The following GRIK3 variants were observed in gnomAD, a reference collection of about 807,000 sequenced individuals.
The protein encoded by GRIK3 is glutamate receptor ionotropic, kainate 3.
GRIK3 carries 29 observed loss-of-function variants against 102.5 expected under a neutral mutation model. That is an observed-to-expected ratio of 0.28 (90% CI 0.21 to 0.39). The LOEUF (loss-of-function observed/expected upper bound fraction) is 0.39. GRIK3 is among the 10% of genes least tolerant of loss of function. The probability of loss-of-function intolerance (pLI) is 1.00; values close to 1 mark genes in which losing one functional copy is unlikely to be tolerated. For missense variants in GRIK3, 908 were observed against 1,252.4 expected (o/e 0.73, Z 4.15); for synonymous variants, 511 against 504.9 (o/e 1.01, Z -0.16).
chr1:36,974,731 C>T (rs770247203), intron 1 of GRIK3, among the ~76,000 whole-genome samples: 20 of 147,494 alleles, frequency 1.4e-4, no homozygotes, highest in Admixed American at 2.1e-4. Context: ...ACCCAGGAGG[C>T]GGAGCTTGCA....
chr1:36,983,383 G>A (rs748444393), intron 1 of GRIK3, among the ~76,000 whole-genome samples: 3 of 152,064 alleles, frequency 2.0e-5, no homozygotes, highest in Non-Finnish European at 4.4e-5. Context: ...CGGCACAACG[G>A]CACACTCCCA....
intron 2 of GRIK3, among the ~76,000 whole-genome samples, chr1:36,889,664 A>G (rs1641080355): frequency 6.6e-6 from 1 of 152,162 alleles, no homozygotes; most frequent in African/African-American, 2.4e-5. Flanking sequence ...GGGCAGGACT[A>G]TAATTTCCTG....
chr1:36,900,057 T>C (rs1177830870), intron 1 of GRIK3, among the ~76,000 whole-genome samples: 2 of 152,208 alleles, frequency 1.3e-5, no homozygotes, highest in African/African-American at 2.4e-5. Flanking sequence ...AGACGTAATG[T>C]ACATCTATAG....
chr1:36,938,652 C>T (rs970485887), intron 1 of GRIK3, among the ~76,000 whole-genome samples: 28 of 152,086 alleles, frequency 1.8e-4, no homozygotes, highest in African/African-American at 6.5e-4. Flanking sequence ...TTTGTGTCAC[C>T]CCCCAGCCCC....
At chr1:36,859,347 A>T (rs899901457) in intron 6 of GRIK3, 96 bp from the exon 7 acceptor site, 7 of 1,341,460 alleles carry the variant, frequency 5.2e-6, no homozygotes, top group African/African-American at 2.9e-5. Flanking sequence ...CCACAGGTAC[A>T]TGATGTCCTG....
intron 1 of GRIK3, among the ~76,000 whole-genome samples, chr1:37,024,536 G>A (rs1642747801): frequency 1.3e-5 from 2 of 151,018 alleles, no homozygotes; most frequent in South Asian, 4.2e-4. Context: ...CACAAGGTCA[G>A]GAGTTCGACC....
intron 1 of GRIK3, among the ~76,000 whole-genome samples, chr1:37,010,557 T>C (rs1376289163): frequency 1.3e-5 from 2 of 152,006 alleles, no homozygotes; most frequent in Non-Finnish European, 2.9e-5. Context: ...GTGCTATTCA[T>C]AATTACACAA....
chr1:36,855,143 G>A (rs1640635926), intron 7 of GRIK3, among the ~76,000 whole-genome samples: 2 of 152,166 alleles, frequency 1.3e-5, no homozygotes, highest in African/African-American at 4.8e-5. Flanking sequence ...GCCAGATTGG[G>A]CCAGAGAGAG....
chr1:36,836,385 C>T (rs1321579311), intron 10 of GRIK3, among the ~76,000 whole-genome samples: 1 of 152,262 alleles, frequency 6.6e-6, no homozygotes, highest in Non-Finnish European at 1.5e-5. Flanking sequence ...CCCACGTGTC[C>T]CTCATTCAGC....
At chr1:37,003,019 T>C (rs868411801) in intron 1 of GRIK3, among the ~76,000 whole-genome samples, 10 of 66,182 alleles carry the variant, frequency 1.5e-4, no homozygotes, top group Admixed American at 2.6e-4. Context: ...ATAAAAGCTG[T>C]TGTTTTTTTT....
At chr1:36,879,394 T>C (rs1640941954) in intron 3 of GRIK3, among the ~76,000 whole-genome samples, 1 of 152,142 alleles carries the variant, frequency 6.6e-6, no homozygotes, top group Non-Finnish European at 1.5e-5. Flanking sequence ...TTTGGGAGAC[T>C]GAGGTGGGAG....
chr1:37,012,526 G>A (rs772453132), intron 1 of GRIK3, among the ~76,000 whole-genome samples: 13 of 152,222 alleles, frequency 8.5e-5, no homozygotes, highest in African/African-American at 2.2e-4. Flanking sequence ...GTTAAGAAAC[G>A]TGCTGGCCCA....
At chr1:36,863,825 T>G (rs1332851110) in intron 5 of GRIK3, among the ~76,000 whole-genome samples, 1 of 152,146 alleles carries the variant, frequency 6.6e-6, no homozygotes, top group African/African-American at 2.4e-5. Context: ...ATGGGCTGAA[T>G]ATTCCTGTTA....
intron 1 of GRIK3, 84 bp from the exon 2 acceptor site, chr1:36,891,180 A>G (rs1296850513): frequency 3.0e-6 from 3 of 1,007,080 alleles, no homozygotes; most frequent in South Asian, 3.2e-5. Flanking sequence ...GATTTTATAG[A>G]CAAGTTGCCT....
At chr1:36,976,375 CG>C (rs1642196821) in intron 1 of GRIK3, among the ~76,000 whole-genome samples, 1 of 148,724 alleles carries the variant, frequency 6.7e-6, no homozygotes, top group South Asian at 2.1e-4. Context: ...CATTTTTTTT[CG>C]GGGGAAAAGC....
rs980438652 is a variant in GRIK3 at position 36,840,333 on chromosome 1, T to A, written c.1530+1403A>T. Among the ~76,000 whole-genome samples, 3 of 152,136 alleles carry A rather than the reference T, an allele frequency of 2.0e-5. No homozygotes were observed. In the East Asian group the frequency reaches 5.8e-4, roughly 29 times the overall value. On this transcript the variant is annotated intron_variant, in intron 10 of 15. Coordinates refer to ENST00000373091, the MANE Select transcript of GRIK3 (RefSeq NM_000831.4). ...GGGCCCTGAGCTGGAAGGCAGGTCA[T>A]GTTTATTGTGTGCCAGGTAAGCCTG...
chr1:36,982,041 C>T (rs764696746), intron 1 of GRIK3, among the ~76,000 whole-genome samples: 3 of 152,174 alleles, frequency 2.0e-5, no homozygotes, highest in Non-Finnish European at 2.9e-5. Flanking sequence ...CCCAGCGCTG[C>T]TCCCAGTTCC....
intron 1 of GRIK3, among the ~76,000 whole-genome samples, chr1:37,008,938 G>C (rs1404872944): frequency 1.3e-5 from 2 of 152,154 alleles, no homozygotes; most frequent in African/African-American, 4.8e-5. Flanking sequence ...AGGCAGCTGT[G>C]ATATCGTTAA....
intron 1 of GRIK3, among the ~76,000 whole-genome samples, chr1:36,900,346 T>A (rs1641221738): frequency 1.3e-5 from 2 of 152,114 alleles, no homozygotes; most frequent in South Asian, 4.1e-4. Context: ...CTCCTTGTTT[T>A]GCTATGTGGA....
Sources: gnomAD v4.1 joint callset for allele counts (sites outside exome capture counted in the v4.1 genomes callset) on GRCh38, gnomAD v4.1.1 for gene constraint, MANE v1.5 for transcripts, NCBI Gene and HGNC (gene_info 2026-07-23, HGNC 2026-07-21) for gene names.